The following SMARCA2 variants were observed in gnomAD, a reference collection of about 807,000 sequenced individuals.
The protein encoded by SMARCA2 is SWI/SNF-related matrix-associated actin-dependent regulator of chromatin subfamily A member 2.
A neutral mutation model predicts 199.8 loss-of-function variants in SMARCA2; 61 were observed. That is an observed-to-expected ratio of 0.31 (90% CI 0.25 to 0.38). The LOEUF (loss-of-function observed/expected upper bound fraction) is 0.38, where lower values mean the gene tolerates loss of function less well. SMARCA2 is among the 10% of genes least tolerant of loss of function. The pLI, the probability that SMARCA2 is intolerant of heterozygous loss-of-function variation, is 1.00. For synonymous variants in SMARCA2, 935 were observed against 732.0 expected, an observed-to-expected ratio of 1.28 and a Z score of -4.48; for missense variants, 1,344 against 2,012.2, an observed-to-expected ratio of 0.67 and a Z score of 6.35.
rs532618380 is a variant in SMARCA2 at position 2,158,160 on chromosome 9, CAAAAAAAA to C, written c.3982-3509_3982-3502del. 496 of 87,904 alleles carry C rather than the reference CAAAAAAAA, an allele frequency of 5.6e-3. 2 individuals are homozygous for C. Among genetic ancestry groups the C allele is most frequent in the African/African-American group, 0.017 (438 of 26,098 alleles). 5.4% of individuals were successfully genotyped at this position (87,904 alleles called of 1,614,324 possible). A position where few individuals can be genotyped will look rare whatever the true frequency, so the allele number is the denominator to read the frequency against. Reference sequence around the variant, plus strand: ...AAGAAAGAAAAGAGAGAAAGAGGGCCAAAAAAAAAAAAAAAAAAAAAAAAGGTTGCCAT... The same window carrying C: ...AAGAAAGAAAAGAGAGAAAGAGGGCCAAAAAAAAAAAAAAAAGGTTGCCAT... On this transcript the variant is annotated intron_variant, in intron 27 of 33. Coordinates refer to ENST00000349721, the MANE Select transcript of SMARCA2 (RefSeq NM_003070.5).
chr9:2,166,140 GC>G (rs1825920544), intron 28 of SMARCA2, among the ~76,000 whole-genome samples: 1 of 152,196 alleles, frequency 6.6e-6, no homozygotes, highest in Non-Finnish European at 1.5e-5. Context: ...GTATCAACAA[GC>G]ATATCTACCT....
At chr9:2,055,017 C>G (rs1820290399) in intron 6 of SMARCA2, among the ~76,000 whole-genome samples, 1 of 152,126 alleles carries the variant, frequency 6.6e-6, no homozygotes, top group Non-Finnish European at 1.5e-5. Context: ...ACCTTGGGAA[C>G]AAGTGGGGTA....
At chr9:2,107,111 CA>C (rs1391471674) in intron 23 of SMARCA2, among the ~76,000 whole-genome samples, 1 of 151,096 alleles carries the variant, frequency 6.6e-6, no homozygotes, top group East Asian at 1.9e-4. Flanking sequence ...TTAAATTTAA[CA>C]AAAAAAATTT....
At chr9:2,182,979 C>T (rs571973055) in intron 31 of SMARCA2, among the ~76,000 whole-genome samples, 11 of 146,814 alleles carry the variant, frequency 7.5e-5, no homozygotes, top group African/African-American at 2.0e-4. Context: ...TTAGTAGAGA[C>T]GGGGTTTCAC....
rs374998669 is a variant in SMARCA2, at chr9:2,039,839, G to A, written c.729G>A (p.Pro243=). Reference sequence around the variant, plus strand: ...AGCAACAGCAGCCGCAGCAGCAGCCGCCGCAACCACAGACGCAGCAACAAC... The same window carrying A: ...AGCAACAGCAGCCGCAGCAGCAGCCACCGCAACCACAGACGCAGCAACAAC... ...QQQQQQPQQQ[P]PQPQTQQQQQ... Residue 243 remains proline (P), a synonymous_variant, in exon 4 of 34, where the codon CCG becomes CCA. Coordinates refer to ENST00000349721, the MANE Select transcript of SMARCA2 (RefSeq NM_003070.5). The surrounding 1 kb of genome is among the most constrained non-coding windows in gnomAD (Gnocchi z 4.8). The A allele has an allele frequency of 2.0e-5, 32 of 1,612,402 alleles. No homozygotes were observed. Among genetic ancestry groups the A allele is most frequent in the East Asian group, 1.8e-4 (8 of 44,890 alleles).
chr9:2,183,227 C>G (rs1447612007), intron 31 of SMARCA2, among the ~76,000 whole-genome samples: 3 of 152,136 alleles, frequency 2.0e-5, no homozygotes, highest in Non-Finnish European at 4.4e-5. Flanking sequence ...TGATTGTACT[C>G]TTGGATCAGG....
chr9:2,153,810 C>CTG lies in SMARCA2; in HGVS notation c.3982-7859_3982-7858dup, dbSNP rs148574286. Among the ~76,000 whole-genome samples, 863 of 150,546 alleles carry CTG rather than the reference C, an allele frequency of 5.7e-3. 5 individuals carry two copies. Among genetic ancestry groups the CTG allele is most frequent in the East Asian group, 4.9e-3 (25 of 5,132 alleles). On this transcript the variant is annotated intron_variant, in intron 27 of 33. Transcript: ENST00000349721. Reference sequence around the variant, plus strand: ...TATGGTTCCACACGTCTATGCAAAGCTGTGTGTGTGTGTGTGTGAGAGAGA... The same window carrying CTG: ...TATGGTTCCACACGTCTATGCAAAGCTGTGTGTGTGTGTGTGTGTGAGAGAGA...
intron 7 of SMARCA2, among the ~76,000 whole-genome samples, chr9:2,057,898 A>G (rs1302719168): frequency 6.6e-6 from 1 of 152,218 alleles, no homozygotes; most frequent in African/African-American, 2.4e-5. Flanking sequence ...GAAAAACATT[A>G]CTTTTGTGAC....
chr9:2,072,791 C>G (rs1170055268), intron 10 of SMARCA2, among the ~76,000 whole-genome samples: 3 of 152,186 alleles, frequency 2.0e-5, no homozygotes, highest in African/African-American at 7.2e-5. Context: ...AGGGCTATCC[C>G]CAATATTATG....
At chr9:2,160,575 A>T in intron 27 of SMARCA2, 1 of 702,236 alleles carries the variant, frequency 1.4e-6, no homozygotes. Flanking sequence ...TTATACTCAC[A>T]TGATCATAAA....
intron 2 of SMARCA2, among the ~76,000 whole-genome samples, chr9:2,032,040 C>T (rs1008384429): frequency 6.6e-6 from 1 of 152,164 alleles, no homozygotes; most frequent in African/African-American, 2.4e-5. Flanking sequence ...CTTTATGATA[C>T]ATTTTTTCCT....
At position 2,147,666 on chromosome 9, in the gene SMARCA2, C is replaced by T. The variant is rs555631482; in HGVS notation, c.3982-14020C>T. 7.7e-3 allele frequency among the ~76,000 whole-genome samples: 1,118 copies of T among 145,856 alleles called. 10 individuals carry two copies. Among genetic ancestry groups the T allele is most frequent in the Non-Finnish European group, 0.012 (746 of 63,610 alleles). The stretch of plus-strand genomic sequence containing the variant: ...TTCGAGACCAGCCTGGCCAACACGG[C>T]AAAACCCTGTCTCTACTAAAAATAC... On this transcript the variant is annotated intron_variant, in intron 27 of 33. Transcript: ENST00000349721.
intron 24 of SMARCA2, among the ~76,000 whole-genome samples, chr9:2,114,896 GAT>G (rs1823152598): frequency 6.6e-6 from 1 of 152,106 alleles, no homozygotes; most frequent in Admixed American, 6.5e-5. Context: ...GCACATGTAA[GAT>G]CAGAATGCAC....
intron 7 of SMARCA2, among the ~76,000 whole-genome samples, chr9:2,057,805 T>A (rs1820422225): frequency 6.6e-6 from 1 of 152,204 alleles, no homozygotes; most frequent in Non-Finnish European, 1.5e-5. Context: ...GAGTATATAT[T>A]TAAAAAGTGG....
At chr9:2,166,290 A>G (rs544910792) in intron 28 of SMARCA2, among the ~76,000 whole-genome samples, 1 of 152,276 alleles carries the variant, frequency 6.6e-6, no homozygotes, top group African/African-American at 2.4e-5. Context: ...ATCATTAATT[A>G]CAGGGTGGTT....
intron 4 of SMARCA2, chr9:2,043,137 C>T (rs915798809): frequency 6.6e-5 from 10 of 152,146 alleles, no homozygotes; most frequent in African/African-American, 1.9e-4. Context: ...ATATTATTCA[C>T]TTACGTAGAG....
chr9:2,085,163 A>G (rs1318189592), intron 17 of SMARCA2, among the ~76,000 whole-genome samples: 1 of 152,206 alleles, frequency 6.6e-6, no homozygotes, highest in African/African-American at 2.4e-5. Flanking sequence ...AATAATTGAG[A>G]TGGCACTGGC....
At chr9:2,177,649 T>C (rs994107591) in intron 29 of SMARCA2, among the ~76,000 whole-genome samples, 1 of 151,810 alleles carries the variant, frequency 6.6e-6, no homozygotes, top group Non-Finnish European at 1.5e-5. Context: ...GCCTCCTGGG[T>C]TCAAGCAATT....
chr9:2,037,679 C>T (rs1819392312), intron 3 of SMARCA2, among the ~76,000 whole-genome samples: 2 of 152,188 alleles, frequency 1.3e-5, no homozygotes, highest in South Asian at 4.1e-4. Context: ...TAGGTTCGGG[C>T]ATGCAGCAGG....
Sources: gnomAD v4.1 joint callset for allele counts (sites outside exome capture counted in the v4.1 genomes callset) on GRCh38, gnomAD v4.1.1 for gene constraint, Gnocchi (gnomAD v3.1) non-coding constraint, MANE v1.5 for transcripts, NCBI Gene and HGNC (gene_info 2026-07-23, HGNC 2026-07-21) for gene names.